TRERF1: variants seen among roughly 807,000 people sequenced by gnomAD.
The protein encoded by TRERF1 is transcriptional-regulating factor 1.
A neutral mutation model predicts 122.9 loss-of-function variants in TRERF1; 27 were observed. That is an observed-to-expected ratio of 0.22 (90% CI 0.16 to 0.30). TRERF1 has a LOEUF of 0.30. Ranked by LOEUF, TRERF1 falls within the 10% of genes least tolerant of loss-of-function variation. TRERF1 has a pLI of 1.00. For synonymous variants in TRERF1, 636 were observed against 641.7 expected (o/e 0.99, Z 0.13); for missense variants, 1,248 against 1,560.3 (o/e 0.80, Z 3.37).
chr6:42,436,814 A>ATATATATATAT (rs1554219616), intron 2 of TRERF1, among the ~76,000 whole-genome samples: 52 of 66,670 alleles, frequency 7.8e-4, no homozygotes, highest in Non-Finnish European at 1.1e-3. Flanking sequence ...AAAAAAAAAA[A>ATATATATATAT]ATATATATAT....
At chr6:42,380,212 C>T (rs1433835519) in intron 2 of TRERF1, among the ~76,000 whole-genome samples, 1 of 85,346 alleles carries the variant, frequency 1.2e-5, no homozygotes, top group Non-Finnish European at 2.1e-5. Context: ...GACAGGTTAG[C>T]AATGTGAGGG....
At chr6:42,260,053 G>A (rs1056150870) in intron 8 of TRERF1, among the ~76,000 whole-genome samples, 2 of 152,072 alleles carry the variant, frequency 1.3e-5, no homozygotes, top group African/African-American at 4.8e-5. Context: ...GAATCCAGCT[G>A]AGTGGGCTCT....
At chr6:42,447,618 C>T (rs1363490935) in intron 2 of TRERF1, among the ~76,000 whole-genome samples, 1 of 152,202 alleles carries the variant, frequency 6.6e-6, no homozygotes, top group Non-Finnish European at 1.5e-5. Context: ...CTGAATTCAA[C>T]CGCCTTTAGA....
intron 4 of TRERF1, among the ~76,000 whole-genome samples, chr6:42,299,890 G>A (rs73733145): frequency 0.013 from 1,905 of 152,302 alleles, 43 homozygotes; most frequent in African/African-American, 0.043. Flanking sequence ...AGAACGAATG[G>A]TGAATGAATG....
At chr6:42,302,917 G>A in intron 3 of TRERF1, among the ~76,000 whole-genome samples, 1 of 152,212 alleles carries the variant, frequency 6.6e-6, no homozygotes, top group East Asian at 1.9e-4. Context: ...GCAAGAGTTT[G>A]TCTTAGACAA....
At chr6:42,299,359 G>A (rs1274384265) in intron 4 of TRERF1, among the ~76,000 whole-genome samples, 1 of 152,044 alleles carries the variant, frequency 6.6e-6, no homozygotes, top group African/African-American at 2.4e-5. Context: ...CTAAAAGAAA[G>A]AGCAGAAAAA....
chr6:42,243,350 C>T (rs1278382574), exon 15 of TRERF1: 3 of 1,613,662 alleles, frequency 1.9e-6, no homozygotes, highest in Non-Finnish European at 2.5e-6. Flanking sequence ...GAGCCACCGT[C>T]TTGGACTTCA....
intron 16 of TRERF1, among the ~76,000 whole-genome samples, chr6:42,233,474 A>C (rs998467136): frequency 6.6e-6 from 1 of 151,262 alleles, no homozygotes; most frequent in Non-Finnish European, 1.5e-5. Flanking sequence ...TTTAGTAGAG[A>C]CAGGGTTTCA....
chr6:42,443,030 A>T (rs1249604443), intron 2 of TRERF1, among the ~76,000 whole-genome samples: 2 of 152,202 alleles, frequency 1.3e-5, no homozygotes, highest in Non-Finnish European at 2.9e-5. Context: ...AGGCTTTGGA[A>T]CTACAAAATG....
intron 3 of TRERF1, among the ~76,000 whole-genome samples, chr6:42,319,944 C>G (rs1430804007): frequency 6.6e-6 from 1 of 151,602 alleles, no homozygotes; most frequent in South Asian, 2.1e-4. Flanking sequence ...CTTTGTCTCC[C>G]AGGCTGGAGT....
At chr6:42,377,859 A>T (rs764832486) in intron 2 of TRERF1, among the ~76,000 whole-genome samples, 11 of 152,196 alleles carry the variant, frequency 7.2e-5, no homozygotes, top group Non-Finnish European at 1.3e-4. Flanking sequence ...CCTAAGATGG[A>T]AGTGGCAAGG....
At chr6:42,407,617 A>T (rs1780371117) in intron 2 of TRERF1, among the ~76,000 whole-genome samples, 1 of 152,102 alleles carries the variant, frequency 6.6e-6, no homozygotes, top group Admixed American at 6.5e-5. Context: ...CCACATGATA[A>T]CGTAGTGACT....
At chr6:42,304,165 A>G (rs1786733833) in intron 3 of TRERF1, among the ~76,000 whole-genome samples, 1 of 152,212 alleles carries the variant, frequency 6.6e-6, no homozygotes, top group African/African-American at 2.4e-5. Context: ...GCCAGTGCTG[A>G]CACAGGGATG....
intron 9 of TRERF1, among the ~76,000 whole-genome samples, chr6:42,258,575 G>T (rs1177357927): frequency 6.6e-6 from 1 of 152,214 alleles, no homozygotes; most frequent in African/African-American, 2.4e-5. Flanking sequence ...CATCTACTGA[G>T]TACATTTTCT....
intron 3 of TRERF1, among the ~76,000 whole-genome samples, chr6:42,311,622 C>T (rs568800319): frequency 2.6e-5 from 4 of 151,884 alleles, no homozygotes; most frequent in South Asian, 4.2e-4. Flanking sequence ...AAAAATTAGC[C>T]GGGCGTTGTG....
chr6:42,384,754 C>T (rs544228000), intron 2 of TRERF1, among the ~76,000 whole-genome samples: 28 of 152,150 alleles, frequency 1.8e-4, no homozygotes, highest in African/African-American at 6.0e-4. Flanking sequence ...AGTACCCATA[C>T]GCATCAGTTC....
chr6:42,268,738 T>C lies in TRERF1; in HGVS notation c.853A>G (p.Met285Val). 3 of 1,614,062 alleles carry C rather than the reference T, an allele frequency of 1.9e-6. No homozygotes were observed. Among genetic ancestry groups the C allele is most frequent in the South Asian group, 1.1e-5 (1 of 91,078 alleles). The change falls in exon 5 of 18, where the codon ATG becomes GTG. Residue 285 changes from methionine (M) to valine (V), a missense_variant. Transcript: ENST00000372922. The surrounding 1 kb of genome is among the most constrained non-coding windows in gnomAD (Gnocchi z 4.4). ...TGCGGCTGCGTCTGTATTTCTTGCA[T>C]GGAGATACGCTGTTGCCCGGCTTGC...
intron 2 of TRERF1, among the ~76,000 whole-genome samples, chr6:42,381,558 G>A (rs60674071): frequency 0.1 from 15,653 of 151,818 alleles, 1,324 homozygotes; most frequent in African/African-American, 0.23. Context: ...GGTGACTGTG[G>A]TGAGGCTGAG....
At chr6:42,417,810 A>G (rs956438800) in intron 2 of TRERF1, among the ~76,000 whole-genome samples, 2 of 152,186 alleles carry the variant, frequency 1.3e-5, no homozygotes, top group African/African-American at 2.4e-5. Flanking sequence ...CCCCCCCAAC[A>G]GTCTATGATG....
Sources: gnomAD v4.1 joint callset for allele counts (sites outside exome capture counted in the v4.1 genomes callset) on GRCh38, gnomAD v4.1.1 for gene constraint, Gnocchi (gnomAD v3.1) non-coding constraint, MANE v1.5 for transcripts, NCBI Gene and HGNC (gene_info 2026-07-23, HGNC 2026-07-21) for gene names.